The following KIF13B variants were observed in gnomAD, a reference collection of about 807,000 sequenced individuals.
The protein encoded by KIF13B is kinesin family member 13B, also known as kinesin-like protein KIF13B.
In KIF13B, 127 loss-of-function variants were observed where a neutral mutation model predicts 222.0. That is an observed-to-expected ratio of 0.57 (90% CI 0.50 to 0.66). KIF13B has a LOEUF of 0.66. Among genes scored for constraint, KIF13B ranks in the 30% least tolerant of loss-of-function variants. The probability of loss-of-function intolerance (pLI) is 0.00; values close to 1 mark genes in which losing one functional copy is unlikely to be tolerated. For synonymous variants in KIF13B, 976 were observed against 919.0 expected (o/e 1.06, Z -1.12); for missense variants, 2,173 against 2,379.0 (o/e 0.91, Z 1.80).
rs944272853 is a variant in KIF13B, at chr8:29,069,616, C to T, written c.*888G>A. 6.6e-6 allele frequency: 1 copy of T among 152,266 alleles called. No homozygotes were observed. The highest frequency in any genetic ancestry group is 2.4e-5 in the African/African-American group (1 of 41,464). The allele number at this position is 152,266 out of a possible 1,614,324, so 9.4% of individuals were successfully genotyped here. On this transcript the variant is annotated 3_prime_UTR_variant, in exon 40 of 40. Coordinates refer to ENST00000524189, the MANE Select transcript of KIF13B (RefSeq NM_015254.4). ...CTTTATCCTCTGCCGTCCCCAGGAC[C>T]CTCCACCTGGGCAGGAGGCCAGCAG...
intron 34 of KIF13B, 76 bp downstream of exon 34, chr8:29,109,358 G>A (rs1809245987): frequency 1.7e-6 from 2 of 1,148,028 alleles, no homozygotes; most frequent in Non-Finnish European, 2.6e-6. Flanking sequence ...TTTGACGGGT[G>A]GAGAAGAGTT....
intron 10 of KIF13B, among the ~76,000 whole-genome samples, chr8:29,175,117 A>G (rs1812421150): frequency 6.6e-6 from 1 of 151,454 alleles, no homozygotes; most frequent in African/African-American, 2.5e-5. Context: ...TTATTTCTCC[A>G]TTTTAAAAAT....
chr8:29,174,146 T>C (rs1812380293), intron 10 of KIF13B, among the ~76,000 whole-genome samples: 1 of 152,198 alleles, frequency 6.6e-6, no homozygotes, highest in East Asian at 1.9e-4. Flanking sequence ...TGAGCAAATT[T>C]TTTTATATAC....
In KIF13B at chr8:29,165,814, C is replaced by A. The variant is rs773910338; in HGVS notation, c.1159-42G>T. The stretch of plus-strand genomic sequence containing the variant: ...TACTTCATGAAATGTCTAGAAGATG[C>A]CCTGGAAAAAGAAGTGGCCAACTCT... On this transcript the variant is annotated intron_variant, in intron 11 of 39. Transcript: ENST00000524189. 7.0e-6 allele frequency: 10 copies of A among 1,429,776 alleles called. No individual in the cohort carries two copies. The South Asian group carries it at 1.1e-4, about 15-fold the overall frequency. 88.6% of individuals were successfully genotyped at this position (1,429,776 alleles called of 1,614,324 possible).
intron 37 of KIF13B, among the ~76,000 whole-genome samples, chr8:29,085,254 G>T (rs1463235508): frequency 1.3e-5 from 2 of 152,202 alleles, no homozygotes; most frequent in Non-Finnish European, 2.9e-5. Context: ...CTTCTCTGCA[G>T]TTATGGGTCT....
At position 29,196,190 on chromosome 8, in the gene KIF13B, C is replaced by A; in HGVS notation, c.159G>T (p.Pro53=). The change falls in exon 3 of 40, where the codon CCG becomes CCT. Residue 53 remains proline (P), a synonymous_variant. Coordinates refer to ENST00000524189, the MANE Select transcript of KIF13B (RefSeq NM_015254.4). ...CATAACAAACCAAATCTCTTACCTT[C>A]GGCTGGCCCCTGAGCTCCCAAAACA... is the stretch of plus-strand genomic sequence containing the variant. The part of the protein sequence containing the change: ...NLSKGDARGQ[P]KVFAYDHCFW... 6.4e-7 allele frequency: 1 copy of A among 1,565,310 alleles called. No individual in the cohort carries two copies. Among genetic ancestry groups the A allele is most frequent in the East Asian group, 2.3e-5 (1 of 42,596 alleles).
At chr8:29,154,254 C>G (rs1012188410) in intron 14 of KIF13B, among the ~76,000 whole-genome samples, 10 of 152,016 alleles carry the variant, frequency 6.6e-5, no homozygotes, top group African/African-American at 2.4e-4. Context: ...AACTTGGAGG[C>G]TGCAGTGAGC....
At chr8:29,188,312 AATCAGTAAAGATAAAAG>A (rs1563771530) in intron 5 of KIF13B, among the ~76,000 whole-genome samples, 186 bp downstream of exon 5, 2 of 152,238 alleles carry the variant, frequency 1.3e-5, no homozygotes, top group Admixed American at 1.3e-4. Flanking sequence ...TTGTGAGAAA[AATCAGTAAAGATAAAAG>A]ATCCCAATCC....
intron 20 of KIF13B, 27 bp downstream of exon 20, chr8:29,140,441 G>A (rs779356205): frequency 3.1e-6 from 5 of 1,605,904 alleles, no homozygotes; most frequent in East Asian, 4.5e-5. Context: ...TTCTCTACAG[G>A]AAACAAGGCA....
intron 1 of KIF13B, among the ~76,000 whole-genome samples, chr8:29,251,940 A>C (rs545676370): frequency 6.6e-6 from 1 of 152,220 alleles, no homozygotes; most frequent in East Asian, 1.9e-4. Context: ...TTATTTCATG[A>C]GTAATCAAGC....
At chr8:29,080,348 A>C (rs969144864) in intron 37 of KIF13B, among the ~76,000 whole-genome samples, 10 of 151,368 alleles carry the variant, frequency 6.6e-5, no homozygotes, top group African/African-American at 2.4e-4. Context: ...AAAAAAAAAA[A>C]ACCAACCCAA....
intron 8 of KIF13B, among the ~76,000 whole-genome samples, chr8:29,178,463 C>T (rs953332893): frequency 6.6e-6 from 1 of 151,862 alleles, no homozygotes; most frequent in Non-Finnish European, 1.5e-5. Context: ...AAAGTGTTTT[C>T]TTATCAAGCA....
At chr8:29,111,675 CTA>C (rs1029052067) in intron 32 of KIF13B, among the ~76,000 whole-genome samples, 2 of 151,844 alleles carry the variant, frequency 1.3e-5, no homozygotes, top group African/African-American at 4.8e-5. Flanking sequence ...GCATAAGAAA[CTA>C]AGTGGGAGAG....
In KIF13B at chr8:29,123,420, T is replaced by C; in HGVS notation, c.3425A>G (p.Asn1142Ser). Residue 1142 changes from asparagine (N) to serine (S), a missense_variant, in exon 28 of 40, where the codon AAC becomes AGC. By Grantham distance (46) the Asn-to-Ser change is conservative. Transcript: ENST00000524189. ...GCCAGCAGAGGGGACCATCACCGCG[T>C]TCCTCTCCTCAGTTAGGGTCAACCG... ...EMRLTLTEER[N>S]AVMVPSAGSG... is the part of the protein sequence containing the mutation. 2 of 1,614,044 alleles carry C rather than the reference T, an allele frequency of 1.2e-6. No individual in the cohort carries two copies. Among genetic ancestry groups the C allele is most frequent in the South Asian group, 1.1e-5 (1 of 91,088 alleles).
At chr8:29,154,883 G>C (rs1811448969) in intron 14 of KIF13B, among the ~76,000 whole-genome samples, 1 of 152,160 alleles carries the variant, frequency 6.6e-6, no homozygotes, top group African/African-American at 2.4e-5. Flanking sequence ...AATACTTGAA[G>C]ACTTTATGGA....
intron 11 of KIF13B, among the ~76,000 whole-genome samples, chr8:29,166,368 A>G (rs1811998715): frequency 6.6e-6 from 1 of 152,210 alleles, no homozygotes; most frequent in South Asian, 2.1e-4. Flanking sequence ...AGAGCCCCAC[A>G]GTGCTGAGTA....
intron 2 of KIF13B, among the ~76,000 whole-genome samples, chr8:29,223,164 C>CAAAAAAAAAAAAAAAAA (rs375009923): frequency 8.8e-6 from 1 of 113,168 alleles, no homozygotes; most frequent in Non-Finnish European, 1.8e-5. Context: ...CAAAAAAATA[C>CAAAAAAAAAAAAAAAAA]AAAAAAAAAA....
intron 37 of KIF13B, among the ~76,000 whole-genome samples, chr8:29,087,214 C>T (rs1277686181): frequency 6.6e-6 from 1 of 152,210 alleles, no homozygotes; most frequent in African/African-American, 2.4e-5. Context: ...AAGGTAGTTA[C>T]CTGCTACCTG....
intron 25 of KIF13B, 105 bp from the exon 26 acceptor site, chr8:29,126,616 G>A (rs1270892324): frequency 8.1e-6 from 6 of 737,604 alleles, no homozygotes; most frequent in Non-Finnish European, 1.4e-5. Context: ...TTTTCCAATT[G>A]AATTAATATA....
Sources: gnomAD v4.1 joint callset for allele counts (sites outside exome capture counted in the v4.1 genomes callset) on GRCh38, gnomAD v4.1.1 for gene constraint, MANE v1.5 for transcripts, NCBI Gene and HGNC (gene_info 2026-07-23, HGNC 2026-07-21) for gene names.